The following XK variants were observed in gnomAD, a reference collection of about 807,000 sequenced individuals.
The protein encoded by XK is X-linked Kx blood group antigen, Kell and VPS13A binding protein.
Under a neutral mutation model 14.0 loss-of-function variants are expected in XK, and 2 were observed. That is an observed-to-expected ratio of 0.14 (90% CI 0.06 to 0.45). XK has a LOEUF of 0.45. Among genes scored for constraint, XK ranks in the 20% least tolerant of loss-of-function variants. The pLI, the probability that XK is intolerant of heterozygous loss-of-function variation, is 0.98. For synonymous variants in XK, 149 were observed against 147.5 expected, an observed-to-expected ratio of 1.01 and a Z score of -0.08; for missense variants, 235 against 341.5, an observed-to-expected ratio of 0.69 and a Z score of 2.46.
At chrX:37,716,084 G>A (rs781797570) in intron 2 of XK, among the ~76,000 whole-genome samples, 6 of 112,134 alleles carry the variant, frequency 5.4e-5, no homozygotes, top group South Asian at 3.7e-4. Flanking sequence ...TGAGTTTAGG[G>A]AAACGTGTAA....
chrX:37,703,959 A>G (rs1927462862), intron 2 of XK, among the ~76,000 whole-genome samples: 1 of 111,862 alleles, frequency 8.9e-6, no homozygotes. Context: ...GACTTTGCAA[A>G]CTTAGATTTT....
rs143226985 is a variant in XK at position 37,692,814 on chromosome X, T to C, written c.246-1472T>C. Among the ~76,000 whole-genome samples, 651 of 112,519 alleles carry C rather than the reference T, an allele frequency of 5.8e-3. 4 individuals are homozygous for C. Among genetic ancestry groups the C allele is most frequent in the Non-Finnish European group, 8.7e-3 (462 of 53,298 alleles). ...GAGTTTTCCTTCAGAGAAAATTCAA[T>C]TGGACGTGCTTGGGATTGAACTCAT... On this transcript the variant is annotated intron_variant, in intron 1 of 2. Transcript: ENST00000378616.
chrX:37,707,450 G>A (rs1927558211), intron 2 of XK, among the ~76,000 whole-genome samples: 1 of 107,788 alleles, frequency 9.3e-6, no homozygotes, highest in South Asian at 4.2e-4. Flanking sequence ...CTTCTCAGAC[G>A]GGGCGGCTGC....
intron 1 of XK, among the ~76,000 whole-genome samples, chrX:37,692,091 C>A (rs1324867659): frequency 7.2e-5 from 8 of 111,874 alleles, no homozygotes; most frequent in African/African-American, 2.6e-4. Flanking sequence ...TTTAATTATT[C>A]TTTCATTTTT....
At chrX:37,721,586 TCATA>T (rs1927872762) in intron 2 of XK, among the ~76,000 whole-genome samples, 1 of 111,705 alleles carries the variant, frequency 9.0e-6, no homozygotes, top group African/African-American at 3.2e-5. Flanking sequence ...ATTGGAATCC[TCATA>T]GACTAATGGT....
At chrX:37,707,343 G>A (rs782420117) in intron 2 of XK, among the ~76,000 whole-genome samples, 9 of 110,388 alleles carry the variant, frequency 8.2e-5, no homozygotes, top group East Asian at 5.9e-4. Flanking sequence ...GGTGGCTGCC[G>A]GGCGGAGATG....
Position 37,727,798 on chromosome X carries a change from T to C in XK, c.671T>C (p.Val224Ala). The C allele has an allele frequency of 3.3e-6, 4 of 1,211,459 alleles. No individual in the cohort carries two copies. The highest frequency in any genetic ancestry group is 4.5e-6 in the Non-Finnish European group (4 of 895,401). The change falls in exon 3 of 3, where the codon GTA becomes GCA. Residue 224 changes from valine (V) to alanine (A), a missense_variant. By Grantham distance (64) the Val-to-Ala change is moderately conservative. Transcript: ENST00000378616. ...AGCTTTGAGATTGCCACTCGAGTTG[T>C]AGTCCTGGTCCTCTTTACCTCCGTC... Reference protein sequence around the residue: ...WRSFEIATRVVVLVLFTSVLK... With the variant: ...WRSFEIATRVAVLVLFTSVLK...
At position 37,690,536 on chromosome X, in the gene XK, G is replaced by A. The variant is rs1482952861; in HGVS notation, c.246-3750G>A. ...TGGGATATATGATGCTTGAAAATGG[G>A]ATAAAGTAAAAAATAAGGATCAACC... On this transcript the variant is annotated intron_variant, in intron 1 of 2. Coordinates refer to ENST00000378616, the MANE Select transcript of XK (RefSeq NM_021083.4). Among the ~76,000 whole-genome samples the A allele has an allele frequency of 2.7e-5, 3 of 112,011 alleles. No homozygotes were observed. The East Asian group carries it at 8.4e-4, about 31-fold the overall frequency.
chrX:37,727,027 A>G (rs1025753501), intron 2 of XK, among the ~76,000 whole-genome samples: 2 of 112,008 alleles, frequency 1.8e-5, no homozygotes, highest in Non-Finnish European at 3.8e-5. Context: ...CTTAGAAGCC[A>G]ATTGAGGAAA....
At chrX:37,727,064 C>T (rs1186370404) in intron 2 of XK, among the ~76,000 whole-genome samples, 1 of 111,660 alleles carries the variant, frequency 9.0e-6, no homozygotes, top group Non-Finnish European at 1.9e-5. Context: ...AAGGACTCTA[C>T]ATATTCAGAC....
rs781997558 is a variant in XK at position 37,686,449 on chromosome X, A to G, written c.245+243A>G. Among the ~76,000 whole-genome samples, 16 of 112,281 alleles carry G rather than the reference A, an allele frequency of 1.4e-4. No homozygotes were observed. The South Asian group carries it at 5.7e-3, about 40-fold the overall frequency. ...GGTTCCGTCAAATGAAATAGCCAAC[A>G]TTCAACTGAAATTGACCAACAAAAA... On this transcript the variant is annotated intron_variant, in intron 1 of 2. Transcript: ENST00000378616.
At chrX:37,727,307 A>G (rs1687556472) in intron 2 of XK, among the ~76,000 whole-genome samples, 1 of 111,463 alleles carries the variant, frequency 9.0e-6, no homozygotes, top group Non-Finnish European at 1.9e-5. Context: ...CATAGAACAC[A>G]TGCCTCAGAG....
chrX:37,725,156 T>C (rs965649953), intron 2 of XK, among the ~76,000 whole-genome samples: 8 of 111,334 alleles, frequency 7.2e-5, no homozygotes, highest in African/African-American at 2.6e-4. Flanking sequence ...CGAATGGTAG[T>C]TACTAGGGGC....
intron 2 of XK, among the ~76,000 whole-genome samples, chrX:37,698,296 T>C (rs1221212122): frequency 3.6e-5 from 4 of 110,653 alleles, no homozygotes; most frequent in Non-Finnish European, 5.7e-5. Flanking sequence ...TAATATTATC[T>C]CCATCTTAGT....
In XK at chrX:37,699,421, C is replaced by T. The variant is rs570900077; in HGVS notation, c.508+4873C>T. ...TGAGAGAACAAGCAGATGTTCTCTT[C>T]GGACCAGCTTATAAGATAACCCAAA... is the stretch of plus-strand genomic sequence containing the variant. On this transcript the variant is annotated intron_variant, in intron 2 of 2. Transcript: ENST00000378616. 7.1e-5 allele frequency among the ~76,000 whole-genome samples: 8 copies of T among 112,116 alleles called. 1 individual carries two copies. In the South Asian group the frequency reaches 1.1e-3, roughly 16 times the overall value.
intron 2 of XK, among the ~76,000 whole-genome samples, chrX:37,726,466 G>A (rs1316669529): frequency 9.0e-6 from 1 of 111,362 alleles, no homozygotes; most frequent in African/African-American, 3.3e-5. Flanking sequence ...CCAGGCTGTC[G>A]GTTCCTAACT....
intron 2 of XK, among the ~76,000 whole-genome samples, chrX:37,701,941 C>G (rs1173722351): frequency 8.9e-6 from 1 of 111,910 alleles, no homozygotes; most frequent in Non-Finnish European, 1.9e-5. Flanking sequence ...CCTTGTGACT[C>G]GCCCTCTCTC....
intron 2 of XK, among the ~76,000 whole-genome samples, chrX:37,710,520 G>A (rs1219782705): frequency 1.1e-4 from 12 of 111,857 alleles, no homozygotes; most frequent in Non-Finnish European, 2.1e-4. Flanking sequence ...TTATGGCCGG[G>A]CGTGGTGGCT....
intron 2 of XK, among the ~76,000 whole-genome samples, chrX:37,716,875 G>C (rs928371739): frequency 1.8e-5 from 2 of 111,686 alleles, no homozygotes; most frequent in Non-Finnish European, 3.8e-5. Context: ...AGGATGATAA[G>C]GAAGGAGGAC....
Sources: allele counts gnomAD v4.1 joint callset (sites outside exome capture counted in the v4.1 genomes callset), GRCh38; gene constraint gnomAD v4.1.1; transcripts MANE v1.5; gene names NCBI Gene and HGNC (gene_info 2026-07-23, HGNC 2026-07-21).